Variants in CTDSPL2 observed in about 807,000 individuals in gnomAD.
CTDSPL2 encodes CTD small phosphatase like 2.
A neutral mutation model predicts 60.0 loss-of-function variants in CTDSPL2; 5 were observed. The ratio of observed to expected loss-of-function variants is 0.08; its 90% CI spans 0.04 to 0.18. CTDSPL2 has a LOEUF of 0.18. Among genes scored for constraint, CTDSPL2 ranks in the 10% least tolerant of loss-of-function variants. The probability of loss-of-function intolerance (pLI) is 1.00; values close to 1 mark genes in which losing one functional copy is unlikely to be tolerated. For missense variants in CTDSPL2, 370 were observed against 548.8 expected (o/e 0.67, Z 3.26); for synonymous variants, 186 against 189.3 (o/e 0.98, Z 0.14).
intron 2 of CTDSPL2, 27 bp downstream of exon 2, chr15:44,459,227 A>G: frequency 1.3e-6 from 2 of 1,546,440 alleles, no homozygotes; most frequent in Non-Finnish European, 8.8e-7. Context: ...ATACTTTCAT[A>G]TCATTAAAAG....
intron 5 of CTDSPL2, among the ~76,000 whole-genome samples, chr15:44,492,348 A>C (rs1366970449): frequency 1.3e-5 from 2 of 152,178 alleles, no homozygotes; most frequent in East Asian, 1.9e-4. Context: ...GAAAGACAAA[A>C]GAAAAAAAGA....
chr15:44,506,025 C>CTTTTTTTT lies in CTDSPL2; in HGVS notation c.969+6227_969+6234dup, dbSNP rs753896129. 5.8e-4 allele frequency among the ~76,000 whole-genome samples: 68 copies of CTTTTTTTT among 117,576 alleles called. 3 individuals carry two copies. The highest frequency in any genetic ancestry group is 8.4e-4 in the African/African-American group (27 of 32,046). The allele number at this position is 117,576 out of a possible 152,430, so 77.1% of individuals were successfully genotyped here. A position where few individuals can be genotyped will look rare whatever the true frequency, so the allele number is the denominator to read the frequency against. On this transcript the variant is annotated intron_variant, in intron 8 of 12. Coordinates refer to ENST00000260327, the MANE Select transcript of CTDSPL2 (RefSeq NM_016396.3). ...GATGAAAATTATGCTTCATTGGTAACTTTTTTTTTTTTTTTTTTTTTTGAG... is the reference window on the plus strand; with the variant it reads ...GATGAAAATTATGCTTCATTGGTAACTTTTTTTTTTTTTTTTTTTTTTTTTTTTTTGAG...
chr15:44,428,072 A>C (rs1176504992), intron 1 of CTDSPL2: 1 of 179,356 alleles, frequency 5.6e-6, no homozygotes. Flanking sequence ...CTCCGATCTC[A>C]AGTTCCTAGT....
intron 1 of CTDSPL2, among the ~76,000 whole-genome samples, chr15:44,444,908 C>T (rs1302410170): frequency 3.2e-5 from 4 of 126,760 alleles, no homozygotes; most frequent in Non-Finnish European, 6.3e-5. Flanking sequence ...AGTGCAGTGG[C>T]GCGATCTCAG....
chr15:44,481,330 C>T (rs919233097), intron 2 of CTDSPL2, among the ~76,000 whole-genome samples: 9 of 152,062 alleles, frequency 5.9e-5, no homozygotes, highest in South Asian at 2.1e-4. Flanking sequence ...CTAAAGTGAC[C>T]GCCTTATAGT....
intron 8 of CTDSPL2, among the ~76,000 whole-genome samples, chr15:44,513,363 A>G (rs930404257): frequency 1.3e-5 from 2 of 152,058 alleles, no homozygotes; most frequent in African/African-American, 4.8e-5. Flanking sequence ...GCTACTCCGG[A>G]GGCTGAGGCA....
chr15:44,495,809 C>T (rs779623915), intron 5 of CTDSPL2, among the ~76,000 whole-genome samples: 5 of 151,978 alleles, frequency 3.3e-5, no homozygotes, highest in Non-Finnish European at 7.4e-5. Context: ...TGGCACGTGT[C>T]TAATCCCAGC....
chr15:44,483,236 C>T (rs1221052654), intron 2 of CTDSPL2, among the ~76,000 whole-genome samples: 3 of 147,322 alleles, frequency 2.0e-5, no homozygotes, highest in Non-Finnish European at 4.5e-5. Context: ...GCACTCTAGC[C>T]TGGGTGACAG....
At chr15:44,514,889 T>C in intron 10 of CTDSPL2, 45 bp downstream of exon 10, 1 of 1,113,230 alleles carries the variant, frequency 9.0e-7, no homozygotes, top group South Asian at 1.4e-5. Flanking sequence ...CACACTGATC[T>C]ATGAAATTAC....
chr15:44,490,328 G>A (rs1486236994), intron 4 of CTDSPL2, among the ~76,000 whole-genome samples: 1 of 152,046 alleles, frequency 6.6e-6, no homozygotes, highest in Non-Finnish European at 1.5e-5. Flanking sequence ...TGTAGAGACA[G>A]CCATGTTGCC....
chr15:44,467,105 G>T (rs1431369273), intron 2 of CTDSPL2, among the ~76,000 whole-genome samples: 1 of 152,196 alleles, frequency 6.6e-6, no homozygotes, highest in East Asian at 1.9e-4. Flanking sequence ...GTGGTCTGCT[G>T]TTGACTGAAA....
At chr15:44,438,080 T>A (rs549957650) in intron 1 of CTDSPL2, among the ~76,000 whole-genome samples, 1 of 152,200 alleles carries the variant, frequency 6.6e-6, no homozygotes, top group South Asian at 2.1e-4. Flanking sequence ...CTGGCTAACA[T>A]GGTGAAACCC....
At chr15:44,482,403 A>G (rs2081045249) in intron 2 of CTDSPL2, among the ~76,000 whole-genome samples, 2 of 152,100 alleles carry the variant, frequency 1.3e-5, no homozygotes, top group Non-Finnish European at 1.5e-5. Flanking sequence ...TTTTTCCATA[A>G]GTTTTGTTAC....
At chr15:44,469,824 G>A (rs557542654) in intron 2 of CTDSPL2, among the ~76,000 whole-genome samples, 75 of 152,242 alleles carry the variant, frequency 4.9e-4, no homozygotes, top group African/African-American at 1.2e-3. Context: ...GTGGCCGGGC[G>A]CGGTGGCTCA....
At chr15:44,461,369 A>G (rs1279144617) in intron 2 of CTDSPL2, among the ~76,000 whole-genome samples, 1 of 152,116 alleles carries the variant, frequency 6.6e-6, no homozygotes, top group Non-Finnish European at 1.5e-5. Flanking sequence ...CATATTTTGT[A>G]TGTTATGTGT....
At position 44,526,476 on chromosome 15, in the gene CTDSPL2, C is replaced by T. The variant is rs910585659; in HGVS notation, c.*2302C>T. The T allele has an allele frequency of 6.6e-6, 1 of 152,050 alleles. No individual in the cohort carries two copies. The highest frequency in any genetic ancestry group is 1.5e-5 in the Non-Finnish European group (1 of 67,956). The allele number at this position is 152,050 out of a possible 1,614,324, so 9.4% of individuals were successfully genotyped here. A position where few individuals can be genotyped will look rare whatever the true frequency, so the allele number is the denominator to read the frequency against. On this transcript the variant is annotated 3_prime_UTR_variant, in exon 13 of 13. Transcript: ENST00000260327. Reference sequence around the variant, plus strand: ...TTTTCAGTCCCACACTAGGAGAGTTCCTTTAAGTCAGCTGATCAAGCATAA... The same window carrying T: ...TTTTCAGTCCCACACTAGGAGAGTTTCTTTAAGTCAGCTGATCAAGCATAA...
chr15:44,493,091 T>C (rs575765450), intron 5 of CTDSPL2, among the ~76,000 whole-genome samples: 23 of 152,306 alleles, frequency 1.5e-4, no homozygotes, highest in African/African-American at 5.5e-4. Context: ...CACCTTTTTT[T>C]TTTGTGATTG....
intron 2 of CTDSPL2, among the ~76,000 whole-genome samples, chr15:44,474,168 A>G (rs1433027247): frequency 6.6e-6 from 1 of 152,182 alleles, no homozygotes; most frequent in Admixed American, 6.5e-5. Flanking sequence ...TAACAGTTTT[A>G]CAGCTTCATC....
In CTDSPL2 at chr15:44,491,137, A is replaced by G. The variant is rs984586169; in HGVS notation, c.691+138A>G. ...AGTTAAGAAAAAGTTAAAATTGGAAACAAAGCTTTGTCCCAAAAATCCAAA... is the reference window on the plus strand; with the variant it reads ...AGTTAAGAAAAAGTTAAAATTGGAAGCAAAGCTTTGTCCCAAAAATCCAAA... On this transcript the variant is annotated intron_variant, in intron 5 of 12. Transcript: ENST00000260327. 7.3e-6 allele frequency: 5 copies of G among 685,210 alleles called. No individual in the cohort carries two copies. In the African/African-American group the frequency reaches 9.1e-5, roughly 12 times the overall value. 42.4% of individuals were successfully genotyped at this position (685,210 alleles called of 1,614,324 possible).
Sources: gnomAD v4.1 joint callset for allele counts (sites outside exome capture counted in the v4.1 genomes callset) on GRCh38, gnomAD v4.1.1 for gene constraint, MANE v1.5 for transcripts, NCBI Gene and HGNC (gene_info 2026-07-23, HGNC 2026-07-21) for gene names.